Variants in SLC35F5 observed in about 807,000 individuals in gnomAD.
SLC35F5 encodes HCV NS5A-transactivated protein 3.
In SLC35F5, 54 loss-of-function variants were observed where a neutral mutation model predicts 68.6. That is an observed-to-expected ratio of 0.79 (90% CI 0.63 to 0.99). SLC35F5 has a LOEUF of 0.99. Ranked by LOEUF, SLC35F5 falls within the 50% of genes least tolerant of loss-of-function variation. The probability of loss-of-function intolerance (pLI) is 0.00; values close to 1 mark genes in which losing one functional copy is unlikely to be tolerated. For synonymous variants in SLC35F5, 211 were observed against 205.2 expected, an observed-to-expected ratio of 1.03 and a Z score of -0.24; for missense variants, 567 against 626.9, an observed-to-expected ratio of 0.90 and a Z score of 1.02.
chr2:113,738,970 T>C (rs976972656), intron 7 of SLC35F5, among the ~76,000 whole-genome samples: 7 of 152,202 alleles, frequency 4.6e-5, no homozygotes, highest in African/African-American at 1.4e-4. Flanking sequence ...ATTGATAACA[T>C]CTGTTTCCTT....
At position 113,709,969 on chromosome 2, in the gene SLC35F5, G is replaced by A. The variant is rs1686929126; in HGVS notation, c.*5249C>T. Among the ~76,000 whole-genome samples, 1 of 151,980 alleles carries A rather than the reference G, an allele frequency of 6.6e-6. No homozygotes were observed. Among genetic ancestry groups the A allele is most frequent in the South Asian group, 2.1e-4 (1 of 4,810 alleles). On this transcript the variant is annotated 3_prime_UTR_variant, in exon 16 of 16. Coordinates refer to ENST00000245680, the MANE Select transcript of SLC35F5 (RefSeq NM_025181.5). ...TCAGACTACAGGTATGCACTACCAT[G>A]CCTGTTTGTTTTTTGTTTTTGTTTT...
intron 4 of SLC35F5, among the ~76,000 whole-genome samples, chr2:113,748,322 C>T (rs540007638): frequency 3.9e-5 from 6 of 152,026 alleles, no homozygotes; most frequent in South Asian, 4.2e-4. Flanking sequence ...TGCACCACCA[C>T]GACTGGCTAA....
In SLC35F5 at chr2:113,708,656, A is replaced by C. The variant is rs939961839; in HGVS notation, c.*6562T>G. Among the ~76,000 whole-genome samples, 10 of 152,206 alleles carry C rather than the reference A, an allele frequency of 6.6e-5. No homozygotes were observed. Among genetic ancestry groups the C allele is most frequent in the African/African-American group, 2.4e-4 (10 of 41,458 alleles). Reference sequence around the variant, plus strand: ...AGGAGGCAGAGGTTAGAGTGAGCCGAGATCGTGCCACTGCACTTCAGCCTG... The same window carrying C: ...AGGAGGCAGAGGTTAGAGTGAGCCGCGATCGTGCCACTGCACTTCAGCCTG... On this transcript the variant is annotated 3_prime_UTR_variant, in exon 16 of 16. Transcript: ENST00000245680.
At chr2:113,702,838 G>T (rs1686722635), downstream of SLC35F5, among the ~76,000 whole-genome samples, 1 of 152,108 alleles carries the variant, frequency 6.6e-6, no homozygotes, top group Admixed American at 6.5e-5. Flanking sequence ...GCCAGGCACG[G>T]TGGCTCACAT....
rs1268124505 is a variant in SLC35F5 at position 113,707,215 on chromosome 2, A to G, written c.*8003T>C. Among the ~76,000 whole-genome samples the G allele has an allele frequency of 6.6e-6, 1 of 152,180 alleles. No homozygotes were observed. Among genetic ancestry groups the G allele is most frequent in the Non-Finnish European group, 1.5e-5 (1 of 68,032 alleles). On this transcript the variant is annotated 3_prime_UTR_variant, in exon 16 of 16. Coordinates refer to ENST00000245680, the MANE Select transcript of SLC35F5 (RefSeq NM_025181.5). Reference sequence around the variant, plus strand: ...TTTCATCTTCCGAAAGTACTCTTTGATTACCTCTGGCCTTCTGGGTCTGGT... The same window carrying G: ...TTTCATCTTCCGAAAGTACTCTTTGGTTACCTCTGGCCTTCTGGGTCTGGT...
rs887711457 is a variant in SLC35F5 at position 113,719,064 on chromosome 2, C to T, written c.1496+90G>A. On this transcript the variant is annotated intron_variant, in intron 14 of 15. Transcript: ENST00000245680. The stretch of plus-strand genomic sequence containing the variant: ...GTTATCATCTTTCAATAATTCCTCA[C>T]AAAATCTCTAAAAGCTAGGCCAGCA... 11 of 1,232,354 alleles carry T rather than the reference C, an allele frequency of 8.9e-6. No homozygotes were observed. The Middle Eastern group carries it at 9.9e-4, about 111-fold the overall frequency. The allele number at this position is 1,232,354 out of a possible 1,614,324, so 76.3% of individuals were successfully genotyped here.
intron 10 of SLC35F5, among the ~76,000 whole-genome samples, chr2:113,731,337 C>T (rs377709205): frequency 4.2e-4 from 64 of 152,160 alleles, no homozygotes; most frequent in African/African-American, 2.2e-4. Flanking sequence ...TCATAATCAA[C>T]GTTAATTTCT....
At chr2:113,723,082 G>A in intron 13 of SLC35F5, 22 bp downstream of exon 13, 1 of 1,476,796 alleles carries the variant, frequency 6.8e-7, no homozygotes, top group Non-Finnish European at 9.1e-7. Flanking sequence ...AAATATCTAT[G>A]AATAATAAAT....
At chr2:113,729,586 A>T in intron 10 of SLC35F5, 81 bp from the exon 11 acceptor site, 1 of 735,112 alleles carries the variant, frequency 1.4e-6, no homozygotes, top group Non-Finnish European at 2.4e-6. Flanking sequence ...GTGTCAGATA[A>T]TATTGCAAGA....
chr2:113,723,992 TG>T (rs1687561406), intron 12 of SLC35F5, among the ~76,000 whole-genome samples: 3 of 152,308 alleles, frequency 2.0e-5, no homozygotes, highest in Admixed American at 2.0e-4. Flanking sequence ...TACAGATCCA[TG>T]GAAGTTATAG....
chr2:113,755,495 G>C lies in SLC35F5; in HGVS notation c.90C>G (p.Ser30=). 6.2e-7 allele frequency: 1 copy of C among 1,613,964 alleles called. No individual in the cohort carries two copies. The highest frequency in any genetic ancestry group is 8.5e-7 in the Non-Finnish European group (1 of 1,179,960). ...TTCTGAGATCCTCAAGAGCAATGCC[G>C]GAAAACTTGGCAGATCTCAGTCTAA... ...PPFRLRSAKF[S]GIALEDLRRA... Residue 30 remains serine (S), a synonymous_variant, in exon 2 of 16, where the codon TCC becomes TCG. Coordinates refer to ENST00000245680, the MANE Select transcript of SLC35F5 (RefSeq NM_025181.5).
At chr2:113,752,193 CAA>C (rs1322676126) in intron 3 of SLC35F5, among the ~76,000 whole-genome samples, 1 of 117,886 alleles carries the variant, frequency 8.5e-6, no homozygotes, top group Admixed American at 1.0e-4. Flanking sequence ...GCCTGGGTGA[CAA>C]GAGCAAAACT....
downstream of SLC35F5, among the ~76,000 whole-genome samples, chr2:113,706,260 G>A (rs1015455592): frequency 1.3e-5 from 2 of 152,134 alleles, no homozygotes; most frequent in African/African-American, 4.8e-5. Flanking sequence ...CTGCCACCGG[G>A]AGTCAATGGC....
intron 11 of SLC35F5, 182 bp from the exon 12 acceptor site, chr2:113,725,719 ACTGTCTG>A: frequency 2.0e-6 from 1 of 492,258 alleles, no homozygotes; most frequent in Non-Finnish European, 3.5e-6. Context: ...AGAAAAAAAA[ACTGTCTG>A]AAGCAACTGG....
chr2:113,756,150 G>A, intron 1 of SLC35F5: 1 of 1,447,798 alleles, frequency 6.9e-7, no homozygotes. Context: ...GCCTCCCCGG[G>A]GAGCCGAGGC....
rs1172049306 is a variant in SLC35F5 at position 113,725,544 on chromosome 2, A to G, written c.1091-7T>C. ...TTAAACAAACCTACAAAACCTGAAC[A>G]TGTATAAAAGAGACAAGAGTTAAAA... On this transcript the variant is annotated splice_polypyrimidine_tract_variant and splice_region_variant and intron_variant, in intron 11 of 15. Coordinates refer to ENST00000245680, the MANE Select transcript of SLC35F5 (RefSeq NM_025181.5). The G allele has an allele frequency of 2.5e-6, 4 of 1,572,466 alleles. No homozygotes were observed. The highest frequency in any genetic ancestry group is 2.4e-5 in the South Asian group (2 of 84,030).
intron 5 of SLC35F5, among the ~76,000 whole-genome samples, chr2:113,744,693 C>T (rs918165635): frequency 6.6e-6 from 1 of 152,066 alleles, no homozygotes; most frequent in South Asian, 2.1e-4. Flanking sequence ...GGAGGTTGTG[C>T]AGTGAGCTGA....
At chr2:113,736,655 T>G (rs1688108946) in intron 7 of SLC35F5, among the ~76,000 whole-genome samples, 1 of 152,174 alleles carries the variant, frequency 6.6e-6, no homozygotes, top group Admixed American at 6.5e-5. Flanking sequence ...CTTTGGAAAT[T>G]TAGAAATGTC....
chr2:113,718,959 GAAAGAAAGA>G (rs1687315591), intron 14 of SLC35F5, among the ~76,000 whole-genome samples, 186 bp downstream of exon 14: 1 of 150,760 alleles, frequency 6.6e-6, no homozygotes, highest in Non-Finnish European at 1.5e-5. Context: ...AAGGAAGAAA[GAAAGAAAGA>G]AAGGAGAAAG....
Sources: gnomAD v4.1 joint callset for allele counts (sites outside exome capture counted in the v4.1 genomes callset) on GRCh38, gnomAD v4.1.1 for gene constraint, MANE v1.5 for transcripts, NCBI Gene and HGNC (gene_info 2026-07-23, HGNC 2026-07-21) for gene names.